CAB39L: variants seen among roughly 807,000 people sequenced by gnomAD.
CAB39L encodes calcium binding protein 39 like, also known as calcium-binding protein 39-like.
In CAB39L, 23 loss-of-function variants were observed where a neutral mutation model predicts 39.1. The ratio of observed to expected loss-of-function variants is 0.59; its 90% confidence interval spans 0.42 to 0.83. CAB39L has a LOEUF of 0.83. Ranked by LOEUF, CAB39L falls within the 40% of genes least tolerant of loss-of-function variation. The probability of loss-of-function intolerance (pLI) is 0.00; values close to 1 mark genes in which losing one functional copy is unlikely to be tolerated. For synonymous variants in CAB39L, 126 were observed against 137.2 expected (o/e 0.92, Z 0.57); for missense variants, 366 against 391.9 (o/e 0.93, Z 0.56).
intron 3 of CAB39L, among the ~76,000 whole-genome samples, chr13:49,429,590 T>C (rs771215236): frequency 6.6e-6 from 1 of 152,218 alleles, no homozygotes; most frequent in Non-Finnish European, 1.5e-5. Context: ...AAAACATACA[T>C]ACATTTTTTA....
intron 3 of CAB39L, among the ~76,000 whole-genome samples, chr13:49,397,903 A>G (rs1956676545): frequency 6.6e-6 from 1 of 152,122 alleles, no homozygotes; most frequent in Admixed American, 6.5e-5. Flanking sequence ...TTCAGTTTTC[A>G]TTCTTTCTTG....
At chr13:49,312,221 G>GA (rs936219572) in intron 10 of CAB39L, among the ~76,000 whole-genome samples, 6 of 152,066 alleles carry the variant, frequency 3.9e-5, no homozygotes, top group African/African-American at 1.4e-4. Context: ...ATTAAAACAA[G>GA]AAAAAAAATT....
chr13:49,376,736 C>T (rs1956069835), intron 5 of CAB39L, among the ~76,000 whole-genome samples: 2 of 152,292 alleles, frequency 1.3e-5, no homozygotes, highest in African/African-American at 4.8e-5. Flanking sequence ...CTTATTATTA[C>T]TTCTATTAAC....
intron 3 of CAB39L, among the ~76,000 whole-genome samples, chr13:49,421,298 C>A (rs533003839): frequency 6.6e-6 from 1 of 152,232 alleles, no homozygotes; most frequent in Middle Eastern, 3.4e-3. Context: ...CAGACAAACA[C>A]CACAGAAAAA....
At chr13:49,429,148 A>T (rs538584164) in intron 3 of CAB39L, among the ~76,000 whole-genome samples, 10 of 152,356 alleles carry the variant, frequency 6.6e-5, no homozygotes, top group Admixed American at 2.0e-4. Flanking sequence ...AGAAACATGA[A>T]TCAATGGTAT....
At chr13:49,349,455 C>CATATAT (rs34379188) in intron 7 of CAB39L, among the ~76,000 whole-genome samples, 2,121 of 141,766 alleles carry the variant, frequency 0.015, 43 homozygotes, top group African/African-American at 0.047. Context: ...AATCTGAATA[C>CATATAT]ATATATATAT....
At position 49,329,595 on chromosome 13, in the gene CAB39L, ATAAT is replaced by A. The variant is rs1313879659; in HGVS notation, c.834+2348_834+2351del. 5.5e-5 allele frequency among the ~76,000 whole-genome samples: 7 copies of A among 126,388 alleles called. 1 individual carries two copies. The highest frequency in any genetic ancestry group is 2.0e-4 in the African/African-American group (7 of 35,122). The allele number at this position is 126,388 out of a possible 152,430, so 82.9% of individuals were successfully genotyped here. A position where few individuals can be genotyped will look rare whatever the true frequency, so the allele number is the denominator to read the frequency against. On this transcript the variant is annotated intron_variant, in intron 10 of 10. Coordinates refer to ENST00000409308, the MANE Select transcript of CAB39L (RefSeq NM_001079670.3). ...TATATATATATATATATATATATAT[ATAAT>A]GATGTAATAAATATCTGGTGGCTGA... is the stretch of plus-strand genomic sequence containing the variant.
intron 5 of CAB39L, among the ~76,000 whole-genome samples, chr13:49,360,575 G>A (rs1593985294): frequency 6.6e-6 from 1 of 152,286 alleles, no homozygotes; most frequent in East Asian, 1.9e-4. Context: ...GACTGGACCT[G>A]AGTTTACTAT....
At position 49,359,901 on chromosome 13, in the gene CAB39L, T is replaced by C. The variant is rs112008918; in HGVS notation, c.277-69A>G. Reference sequence around the variant, plus strand: ...GATGAATTGTATAGTATGTGGAATATATACATATATATATACACACAGACA... The same window carrying C: ...GATGAATTGTATAGTATGTGGAATACATACATATATATATACACACAGACA... On this transcript the variant is annotated intron_variant, in intron 5 of 10. Transcript: ENST00000409308. The C allele has an allele frequency of 1.7e-3, 1,311 of 785,422 alleles. 12 individuals carry two copies. The African/African-American group carries it at 0.02, about 12-fold the overall frequency. The allele number at this position is 785,422 out of a possible 1,614,324, so 48.7% of individuals were successfully genotyped here. A position where few individuals can be genotyped will look rare whatever the true frequency, so the allele number is the denominator to read the frequency against.
chr13:49,308,865 T>C lies in CAB39L; in HGVS notation c.*1949A>G, dbSNP rs1953907495. 1 of 152,386 alleles carries C rather than the reference T, an allele frequency of 6.6e-6. No homozygotes were observed. Among genetic ancestry groups the C allele is most frequent in the South Asian group, 2.1e-4 (1 of 4,818 alleles). 9.4% of individuals were successfully genotyped at this position (152,386 alleles called of 1,614,324 possible). On this transcript the variant is annotated 3_prime_UTR_variant, in exon 11 of 11. Coordinates refer to ENST00000409308, the MANE Select transcript of CAB39L (RefSeq NM_001079670.3). ...AAAACCCCAGACTCTAGTTTTCTGT[T>C]TGAAAGGTACTGAGCTGGGATAATG...
chr13:49,406,353 T>TTTTTTTTTTTGTTGA (rs1956878439), intron 3 of CAB39L, among the ~76,000 whole-genome samples: 1 of 146,908 alleles, frequency 6.8e-6, no homozygotes, highest in Non-Finnish European at 1.5e-5. Context: ...TTTTTTTTTT[T>TTTTTTTTTTTGTTGA]GTATTTTTAG....
intron 3 of CAB39L, among the ~76,000 whole-genome samples, chr13:49,383,884 C>T (rs1478818122): frequency 2.6e-5 from 4 of 152,082 alleles, no homozygotes; most frequent in Non-Finnish European, 4.4e-5. Flanking sequence ...ATATTTATTG[C>T]CTGACCCTTC....
chr13:49,433,281 C>T (rs893421288), intron 3 of CAB39L, 37 bp downstream of exon 3: 3 of 428,042 alleles, frequency 7.0e-6, no homozygotes, highest in Non-Finnish European at 1.4e-5. Flanking sequence ...CTGTCGAGAG[C>T]ACTTAAAATC....
intron 10 of CAB39L, among the ~76,000 whole-genome samples, chr13:49,329,463 G>A (rs532707703): frequency 6.7e-6 from 1 of 149,356 alleles, no homozygotes; most frequent in Non-Finnish European, 1.5e-5. Flanking sequence ...CTCCTGAGGG[G>A]TGGCTGCTCA....
intron 1 of CAB39L, among the ~76,000 whole-genome samples, chr13:49,436,059 G>C (rs1024694916): frequency 6.6e-6 from 1 of 152,142 alleles, no homozygotes; most frequent in African/African-American, 2.4e-5. Context: ...TTAAGAATGA[G>C]TCATAGTTAT....
intron 5 of CAB39L, among the ~76,000 whole-genome samples, chr13:49,369,122 AATGAG>A (rs556322179): frequency 1.3e-3 from 191 of 152,366 alleles, no homozygotes; most frequent in African/African-American, 4.5e-3. Flanking sequence ...TTAAAATCAC[AATGAG>A]ATATCACAAA....
intron 3 of CAB39L, among the ~76,000 whole-genome samples, chr13:49,411,358 C>A (rs574904186): frequency 3.4e-5 from 5 of 147,398 alleles, no homozygotes; most frequent in African/African-American, 1.3e-4. Flanking sequence ...TGCAGTGAGC[C>A]GAGATAACGT....
chr13:49,355,174 G>T (rs1396239562), intron 6 of CAB39L, among the ~76,000 whole-genome samples: 1 of 148,616 alleles, frequency 6.7e-6, no homozygotes, highest in African/African-American at 2.5e-5. Context: ...CCAGGAGTTT[G>T]AAACCAGCCT....
At chr13:49,397,397 T>G (rs1956665207) in intron 3 of CAB39L, among the ~76,000 whole-genome samples, 1 of 152,144 alleles carries the variant, frequency 6.6e-6, no homozygotes, top group Admixed American at 6.5e-5. Flanking sequence ...GAGCTTTTTA[T>G]GAGTCCCATT....
Sources: allele counts gnomAD v4.1 joint callset (sites outside exome capture counted in the v4.1 genomes callset), GRCh38; gene constraint gnomAD v4.1.1; transcripts MANE v1.5; gene names NCBI Gene and HGNC (gene_info 2026-07-23, HGNC 2026-07-21).